Variants in THAP9 observed in about 807,000 individuals in gnomAD.
The protein encoded by THAP9 is THAP domain containing 9.
A neutral mutation model predicts 35.7 loss-of-function variants in THAP9; 20 were observed. That is an observed-to-expected ratio of 0.56 (90% CI 0.39 to 0.81). The LOEUF is 0.81. Ranked by LOEUF, THAP9 falls within the 40% of genes least tolerant of loss-of-function variation. The pLI is 0.00. For synonymous variants in THAP9, 335 were observed against 373.7 expected (o/e 0.90, Z 1.19); for missense variants, 870 against 1,047.4 (o/e 0.83, Z 2.34).
chr4:82,914,631 GTGTC>G (rs1396641699), intron 4 of THAP9, among the ~76,000 whole-genome samples: 7 of 152,132 alleles, frequency 4.6e-5, no homozygotes, highest in South Asian at 2.1e-4. Flanking sequence ...CTTTTGAAAA[GTGTC>G]TGTTCATGTC....
In THAP9 at chr4:82,918,519, T is replaced by C; in HGVS notation, c.2307T>C (p.Cys769=). 6.2e-7 allele frequency: 1 copy of C among 1,614,184 alleles called. No homozygotes were observed. The highest frequency in any genetic ancestry group is 2.2e-5 in the East Asian group (1 of 44,884). Residue 769 remains cysteine, a synonymous_variant, in exon 5 of 5, where the codon TGT becomes TGC. Transcript: ENST00000302236. ...NGLHFPSESL[C]RVINICERVV... ...TGCATTTTCCTTCAGAAAGTCTGTG[T>C]CGGGTCATAAATATTTGTGAGCGAG...
At chr4:82,911,846 A>G (rs1720878000) in intron 4 of THAP9, among the ~76,000 whole-genome samples, 1 of 152,254 alleles carries the variant, frequency 6.6e-6, no homozygotes, top group South Asian at 2.1e-4. Flanking sequence ...GTAAGTAACT[A>G]GAAAAATGCA....
chr4:82,913,609 G>A (rs1470317737), intron 4 of THAP9, among the ~76,000 whole-genome samples: 1 of 151,852 alleles, frequency 6.6e-6, no homozygotes, highest in African/African-American at 2.4e-5. Context: ...ACATGTGAAG[G>A]TTTGTTACAT....
In THAP9 at chr4:82,917,394, C is replaced by A; in HGVS notation, c.1182C>A (p.Asp394Glu). The A allele has an allele frequency of 6.2e-7, 1 of 1,613,820 alleles. No homozygotes were observed. Among genetic ancestry groups the A allele is most frequent in the Non-Finnish European group, 8.5e-7 (1 of 1,179,846 alleles). The change falls in exon 5 of 5, where the codon GAC becomes GAA. Residue 394 changes from aspartate (D) to glutamate (E), a missense_variant. Physicochemically the swap from Asp to Glu is conservative, Grantham distance 45. Coordinates refer to ENST00000302236, the MANE Select transcript of THAP9 (RefSeq NM_024672.6). The part of the protein sequence containing the change: ...KALGIHIDGD[D>E]MKCTFQHPSS... ...TGGGGATACATATTGATGGAGACGA[C>A]ATGAAATGTACATTTCAGCATCCTT...
Position 82,918,569 on chromosome 4 carries a change from C to A in THAP9, c.2357C>A (p.Ala786Glu), listed in dbSNP as rs1326628355. ...GTTGTAAGAACCCATTCAAGAATGG[C>A]AATTTTTGAACTAGTTTCTAAACAA... Reference protein sequence around the residue: ...ERVVRTHSRMAIFELVSKQRE... With the variant: ...ERVVRTHSRMEIFELVSKQRE... Residue 786 changes from alanine to glutamate, a missense_variant, in exon 5 of 5, where the codon GCA becomes GAA. Physicochemically the swap from Ala to Glu is moderately radical, Grantham distance 107. Transcript: ENST00000302236. 1 of 1,613,870 alleles carries A rather than the reference C, an allele frequency of 6.2e-7. No homozygotes were observed. The highest frequency in any genetic ancestry group is 1.3e-5 in the African/African-American group (1 of 74,916).
intron 1 of THAP9, among the ~76,000 whole-genome samples, chr4:82,901,415 C>T (rs991301289): frequency 6.6e-6 from 1 of 152,114 alleles, no homozygotes; most frequent in African/African-American, 2.4e-5. Flanking sequence ...AACTCATATC[C>T]ATGGTTCAGA....
chr4:82,900,918 C>T (rs762297155), intron 1 of THAP9, 36 bp downstream of exon 1: 3 of 1,609,152 alleles, frequency 1.9e-6, no homozygotes, highest in South Asian at 1.1e-5. Flanking sequence ...CTTCGAACTC[C>T]CTGCGGGGCC....
chr4:82,916,927 C>T lies in THAP9; in HGVS notation c.732-17C>T. 1.3e-6 allele frequency: 2 copies of T among 1,486,928 alleles called. No homozygotes were observed. Among genetic ancestry groups the T allele is most frequent in the Non-Finnish European group, 1.8e-6 (2 of 1,119,074 alleles). The allele number at this position is 1,486,928 out of a possible 1,614,324, so 92.1% of individuals were successfully genotyped here. On this transcript the variant is annotated splice_polypyrimidine_tract_variant and intron_variant, in intron 4 of 4. Coordinates refer to ENST00000302236, the MANE Select transcript of THAP9 (RefSeq NM_024672.6). The stretch of plus-strand genomic sequence containing the variant: ...TTATTTCTCTTTGAGTGTTCTTTCA[C>T]TTTTTATGTATTCTAGGTGGTTATC...
intron 1 of THAP9, among the ~76,000 whole-genome samples, chr4:82,902,870 CACTCTTACTACA>C (rs1225529580): frequency 5.3e-5 from 8 of 152,324 alleles, no homozygotes; most frequent in Admixed American, 5.2e-4. Context: ...TAGCCTCATA[CACTCTTACTACA>C]GCCCTGTGAG....
intron 2 of THAP9, 144 bp downstream of exon 2, chr4:82,905,075 TA>T (rs1000943217): frequency 8.7e-4 from 538 of 617,242 alleles, no homozygotes; most frequent in Non-Finnish European, 9.4e-4. Context: ...TTTGAAAATT[TA>T]AAAAAAAAAT....
Position 82,907,947 on chromosome 4 carries a change from A to AT in THAP9, c.731+19dup, listed in dbSNP as rs751139697. ...TCCATCCTCAGAACGTAAGTGAATT[A>AT]TTTTTTTATTTTTTAAAAGTGACTT... On this transcript the variant is annotated intron_variant, in intron 4 of 4. Coordinates refer to ENST00000302236, the MANE Select transcript of THAP9 (RefSeq NM_024672.6). 3 of 1,603,668 alleles carry AT rather than the reference A, an allele frequency of 1.9e-6. No individual in the cohort carries two copies. The highest frequency in any genetic ancestry group is 2.5e-6 in the Non-Finnish European group (3 of 1,176,808).
rs1438894274 is a variant in THAP9, at chr4:82,900,764, C to T, written c.-39C>T. 1.2e-6 allele frequency: 2 copies of T among 1,608,674 alleles called. No individual in the cohort carries two copies. Among genetic ancestry groups the T allele is most frequent in the Non-Finnish European group, 8.5e-7 (1 of 1,175,710 alleles). On this transcript the variant is annotated 5_prime_UTR_variant, in exon 1 of 5. Coordinates refer to ENST00000302236, the MANE Select transcript of THAP9 (RefSeq NM_024672.6). The stretch of plus-strand genomic sequence containing the variant: ...CTAAAGTGGTCGTGATTCATGCTGT[C>T]GCGGGAACCCCGAAGGTGGGGCCCC...
At chr4:82,911,003 G>C (rs1720846563) in intron 4 of THAP9, among the ~76,000 whole-genome samples, 3 of 152,194 alleles carry the variant, frequency 2.0e-5, no homozygotes, top group Admixed American at 2.0e-4. Flanking sequence ...AAGTAGAGCA[G>C]AGAAGGGTCT....
Position 82,901,788 on chromosome 4 carries a change from C to T in THAP9, c.80+906C>T, listed in dbSNP as rs114139003. On this transcript the variant is annotated intron_variant, in intron 1 of 4. Coordinates refer to ENST00000302236, the MANE Select transcript of THAP9 (RefSeq NM_024672.6). ...AAATTGTTAGCAGTGTGAACCAACT[C>T]ATTGTGTATGTGAGACCATAATTGA... Among the ~76,000 whole-genome samples, 776 of 151,806 alleles carry T rather than the reference C, an allele frequency of 5.1e-3. 16 individuals are homozygous for T. Among genetic ancestry groups the T allele is most frequent in the African/African-American group, 0.018 (740 of 41,420 alleles).
In THAP9 at chr4:82,917,085, G is replaced by A; in HGVS notation, c.873G>A (p.Gln291=). Residue 291 remains glutamine (Q), a synonymous_variant, in exon 5 of 5, where the codon CAG becomes CAA. Transcript: ENST00000302236. ...IKSMPLKQQL[Q]WDPSSHSLQG... ...GTATGCCTCTCAAGCAACAGCTTCA[G>A]TGGGATCCTAGCAGTCACAGTTTGC... The A allele has an allele frequency of 3.1e-6, 5 of 1,613,604 alleles. No homozygotes were observed. Among genetic ancestry groups the A allele is most frequent in the Non-Finnish European group, 4.2e-6 (5 of 1,179,772 alleles).
At chr4:82,914,013 A>G (rs747291207) in intron 4 of THAP9, among the ~76,000 whole-genome samples, 5 of 152,178 alleles carry the variant, frequency 3.3e-5, no homozygotes, top group Non-Finnish European at 7.3e-5. Flanking sequence ...CTGGGATTAC[A>G]GGCATCAGCC....
In THAP9 at chr4:82,918,202, G is replaced by A; in HGVS notation, c.1990G>A (p.Ala664Thr). The A allele has an allele frequency of 6.2e-7, 1 of 1,614,166 alleles. No homozygotes were observed. The highest frequency in any genetic ancestry group is 8.5e-7 in the Non-Finnish European group (1 of 1,179,998). The change falls in exon 5 of 5, where the codon GCT becomes ACT. Residue 664 changes from alanine to threonine, a missense_variant. Ala to Thr is a moderately conservative substitution (Grantham distance 58). This residue lies in a region of THAP9 where 414 missense variants were observed against 500.8 expected (regional missense o/e 0.83). Transcript: ENST00000302236. ...SKVSIFDISIARRKDLALWTV... is the reference protein window; with the variant it reads ...SKVSIFDISITRRKDLALWTV... The stretch of plus-strand genomic sequence containing the variant: ...AGTAAGCATCTTTGACATTTCAATT[G>A]CTCGAAGGAAAGACTTGGCGCTTTG...
intron 1 of THAP9, among the ~76,000 whole-genome samples, chr4:82,901,849 C>T (rs1009384867): frequency 6.6e-6 from 1 of 151,868 alleles, no homozygotes; most frequent in African/African-American, 2.4e-5. Flanking sequence ...TAGTTTTAAA[C>T]TAGGGAGACA....
Position 82,919,033 on chromosome 4 carries a change from G to T in THAP9, c.*109G>T. 1 of 880,952 alleles carries T rather than the reference G, an allele frequency of 1.1e-6. No individual in the cohort carries two copies. The allele number at this position is 880,952 out of a possible 1,614,324, so 54.6% of individuals were successfully genotyped here. On this transcript the variant is annotated 3_prime_UTR_variant, in exon 5 of 5. Coordinates refer to ENST00000302236, the MANE Select transcript of THAP9 (RefSeq NM_024672.6). ...CGCATTCTGCACAGTGGACAAGTTT[G>T]CAATTCTGACTTATTAAAATTTCAA...
Sources: gnomAD v4.1 joint callset for allele counts (sites outside exome capture counted in the v4.1 genomes callset) on GRCh38, gnomAD v4.1.1 for gene constraint, gnomAD v4.1.1 regional missense constraint, MANE v1.5 for transcripts, NCBI Gene and HGNC (gene_info 2026-07-23, HGNC 2026-07-21) for gene names.